ROBO2: variants seen among roughly 807,000 people sequenced by gnomAD.
The protein encoded by ROBO2 is roundabout homolog 2.
In ROBO2, 53 loss-of-function variants were observed where a neutral mutation model predicts 160.8. The ratio of observed to expected loss-of-function variants is 0.33; its 90% CI spans 0.26 to 0.41. The LOEUF (loss-of-function observed/expected upper bound fraction) is 0.41. ROBO2 is among the 10% of genes least tolerant of loss of function. ROBO2 has a pLI of 1.00. For missense variants in ROBO2, 1,577 were observed against 1,722.4 expected, an observed-to-expected ratio of 0.92 and a Z score of 1.49; for synonymous variants, 664 against 611.7, an observed-to-expected ratio of 1.09 and a Z score of -1.26.
At chr3:77,088,333 T>C (rs989377753) in intron 1 of ROBO2, among the ~76,000 whole-genome samples, 1 of 152,188 alleles carries the variant, frequency 6.6e-6, no homozygotes, top group East Asian at 1.9e-4. Context: ...ATTTTAAAGA[T>C]CTTTGCTGAA....
chr3:76,007,758 T>C, intron 2 of ROBO2, among the ~76,000 whole-genome samples: 1 of 152,296 alleles, frequency 6.6e-6, no homozygotes, highest in Non-Finnish European at 1.5e-5. Flanking sequence ...GAGAAATTTA[T>C]TTCATAAGAA....
At chr3:77,558,216 CAT>C in intron 9 of ROBO2, 67 bp downstream of exon 10, 1 of 1,301,470 alleles carries the variant, frequency 7.7e-7, no homozygotes, top group East Asian at 2.3e-5. Flanking sequence ...GGAAAAATTG[CAT>C]AGTGAACTTA....
At chr3:76,552,378 A>T (rs1368609321) in intron 2 of ROBO2, among the ~76,000 whole-genome samples, 1 of 152,198 alleles carries the variant, frequency 6.6e-6, no homozygotes, top group Admixed American at 6.5e-5. Context: ...TAGGTAAAAC[A>T]TTTATTCTGG....
In ROBO2 at chr3:77,239,726, G is replaced by C. The variant is rs972704735; in HGVS notation, c.388+141386G>C. On this transcript the variant is annotated intron_variant, in intron 2 of 25. Coordinates refer to ENST00000461745, the Ensembl canonical transcript of ROBO2. ...GTAAAAGTTCTCCAAGTCCCCACTA[G>C]ATTACCTAGACGCAGAGCACTGATT... is the stretch of plus-strand genomic sequence containing the variant. 2.6e-5 allele frequency among the ~76,000 whole-genome samples: 4 copies of C among 152,226 alleles called. No homozygotes were observed. In the East Asian group the frequency reaches 7.7e-4, roughly 29 times the overall value.
intron 17 of ROBO2, among the ~76,000 whole-genome samples, chr3:77,594,468 T>C (rs987532042): frequency 2.6e-5 from 4 of 152,174 alleles, no homozygotes; most frequent in African/African-American, 9.7e-5. Context: ...TGCTTATTGG[T>C]GTTGCTAATA....
At chr3:77,006,943 A>G (rs2061612105) in intron 2 of ROBO2, among the ~76,000 whole-genome samples, 1 of 152,154 alleles carries the variant, frequency 6.6e-6, no homozygotes, top group African/African-American at 2.4e-5. Context: ...ATGGTGGTTA[A>G]GTAAAAGGTT....
chr3:76,261,537 A>G (rs1324958348), intron 2 of ROBO2, among the ~76,000 whole-genome samples: 1 of 152,052 alleles, frequency 6.6e-6, no homozygotes, highest in Admixed American at 6.6e-5. Context: ...CCAACACCCC[A>G]TCTCCAACAT....
intron 2 of ROBO2, among the ~76,000 whole-genome samples, chr3:76,199,287 G>A (rs1310675665): frequency 6.6e-6 from 1 of 152,054 alleles, no homozygotes; most frequent in Non-Finnish European, 1.5e-5. Flanking sequence ...TCAAACCCCA[G>A]GAATGTCACA....
intron 2 of ROBO2, among the ~76,000 whole-genome samples, chr3:76,406,952 C>T (rs959864510): frequency 2.0e-5 from 3 of 150,540 alleles, no homozygotes; most frequent in East Asian, 2.0e-4. Flanking sequence ...ACATCCTACT[C>T]TCGCCTACAA....
At chr3:77,569,209 T>C (rs1017961909) in intron 13 of ROBO2, among the ~76,000 whole-genome samples, 3 of 152,058 alleles carry the variant, frequency 2.0e-5, no homozygotes, top group African/African-American at 7.2e-5. Context: ...CTCCATTTAA[T>C]ATTTTGATAA....
At chr3:76,956,075 C>G (rs1358717673) in intron 2 of ROBO2, among the ~76,000 whole-genome samples, 2 of 152,082 alleles carry the variant, frequency 1.3e-5, no homozygotes, top group Non-Finnish European at 2.9e-5. Flanking sequence ...CTACTTTACG[C>G]CCTCCAGACT....
At chr3:77,217,206 G>A (rs987905461) in intron 2 of ROBO2, among the ~76,000 whole-genome samples, 3 of 151,056 alleles carry the variant, frequency 2.0e-5, no homozygotes, top group Non-Finnish European at 4.4e-5. Context: ...GCAGTGGTGC[G>A]ATCTCAGCTC....
At chr3:76,721,622 G>C (rs2093468504) in intron 2 of ROBO2, among the ~76,000 whole-genome samples, 1 of 152,164 alleles carries the variant, frequency 6.6e-6, no homozygotes, top group South Asian at 2.1e-4. Context: ...ATATGTGACT[G>C]TCTAAAGTTA....
At chr3:77,529,822 A>G (rs1441363395) in intron 6 of ROBO2, among the ~76,000 whole-genome samples, 1 of 151,952 alleles carries the variant, frequency 6.6e-6, no homozygotes, top group Non-Finnish European at 1.5e-5. Flanking sequence ...AGAAATATAA[A>G]GAACTATACT....
chr3:76,940,550 T>G (rs1343100754), intron 2 of ROBO2, among the ~76,000 whole-genome samples: 4 of 152,214 alleles, frequency 2.6e-5, no homozygotes, highest in Non-Finnish European at 5.9e-5. Context: ...AAAATGCCCT[T>G]TCCTTGTCTT....
chr3:76,212,171 C>A (rs1703186708), intron 2 of ROBO2, among the ~76,000 whole-genome samples: 1 of 151,812 alleles, frequency 6.6e-6, no homozygotes, highest in Non-Finnish European at 1.5e-5. Context: ...AATTTTATAA[C>A]ATTCTTTAAT....
At chr3:76,086,015 G>T (rs1471522261) in intron 2 of ROBO2, among the ~76,000 whole-genome samples, 1 of 152,246 alleles carries the variant, frequency 6.6e-6, no homozygotes, top group South Asian at 2.1e-4. Context: ...TAACCGTTTG[G>T]GGTATTGTCA....
At chr3:77,291,499 A>G (rs1299289281) in intron 2 of ROBO2, among the ~76,000 whole-genome samples, 2 of 151,654 alleles carry the variant, frequency 1.3e-5, no homozygotes, top group Non-Finnish European at 1.5e-5. Context: ...CACCCCAGAC[A>G]TAAAGTAAAA....
Position 76,112,507 on chromosome 3 carries a change from G to A in ROBO2, c.109+174905G>A, listed in dbSNP as rs78925262. Reference sequence around the variant, plus strand: ...TGTTTATTTTTAATTTGGTGAGAAAGCATCTACCATGTTGTTTTCTGTCTG... The same window carrying A: ...TGTTTATTTTTAATTTGGTGAGAAAACATCTACCATGTTGTTTTCTGTCTG... On this transcript the variant is annotated intron_variant, in intron 2 of 26. Transcript: ENST00000487694. Among the ~76,000 whole-genome samples the A allele has an allele frequency of 3.9e-3, 594 of 151,996 alleles. 16 individuals carry two copies. Among genetic ancestry groups the A allele is most frequent in the Admixed American group, 0.031 (477 of 15,248 alleles).
Sources: allele counts gnomAD v4.1 joint callset (sites outside exome capture counted in the v4.1 genomes callset), GRCh38; gene constraint gnomAD v4.1.1; transcripts MANE v1.5; gene names NCBI Gene and HGNC (gene_info 2026-07-23, HGNC 2026-07-21).